The following RSPRY1 variants were observed in gnomAD, a reference collection of about 807,000 sequenced individuals.
RSPRY1 encodes the protein RING finger and SPRY domain-containing protein 1.
Under a neutral mutation model 73.1 loss-of-function variants are expected in RSPRY1, and 23 were observed. The ratio of observed to expected loss-of-function variants is 0.31; its 90% CI spans 0.23 to 0.45. RSPRY1 has a LOEUF of 0.45. Ranked by LOEUF, RSPRY1 falls within the 20% of genes least tolerant of loss-of-function variation. The pLI is 1.00. For synonymous variants in RSPRY1, 226 were observed against 251.4 expected (o/e 0.90, Z 0.95); for missense variants, 448 against 698.7 (o/e 0.64, Z 4.05).
chr16:57,200,319 A>G (rs1331484483), intron 1 of RSPRY1, among the ~76,000 whole-genome samples: 8 of 151,656 alleles, frequency 5.3e-5, no homozygotes, highest in Admixed American at 3.9e-4. Flanking sequence ...CTACACAGAC[A>G]TGGCAACCAT....
At chr16:57,205,666 T>G (rs1241835269) in intron 2 of RSPRY1, among the ~76,000 whole-genome samples, 2 of 152,210 alleles carry the variant, frequency 1.3e-5, no homozygotes, top group Non-Finnish European at 2.9e-5. Context: ...GTTGTATATT[T>G]CAGTAGTTAA....
chr16:57,203,729 G>A (rs1482804231), intron 1 of RSPRY1, among the ~76,000 whole-genome samples: 1 of 152,172 alleles, frequency 6.6e-6, no homozygotes, highest in Non-Finnish European at 1.5e-5. Context: ...AGTCCAGCGT[G>A]GTACCTGGCA....
chr16:57,216,243 A>T (rs2074938702), intron 7 of RSPRY1, 70 bp downstream of exon 7: 1 of 1,144,876 alleles, frequency 8.7e-7, no homozygotes, highest in Non-Finnish European at 1.3e-6. Context: ...TTTCTTAGTT[A>T]CTGGATAAGC....
rs1318002089 is a variant in RSPRY1, at chr16:57,200,940, G to T, written c.-155-3564G>T. ...GCGCCCCTCACCTCCCAGACGGGGC[G>T]GCTGGCCGGGGGGGGGGGGGGCTGA... On this transcript the variant is annotated intron_variant, in intron 1 of 14. Coordinates refer to ENST00000394420, the MANE Select transcript of RSPRY1 (RefSeq NM_133368.3). Among the ~76,000 whole-genome samples the T allele has an allele frequency of 6.6e-5, 6 of 90,826 alleles. 1 individual carries two copies. The highest frequency in any genetic ancestry group is 5.8e-4 in the Admixed American group (6 of 10,394). 59.6% of individuals were successfully genotyped at this position (90,826 alleles called of 152,430 possible).
chr16:57,238,732 T>G (rs1457870453), intron 14 of RSPRY1, 147 bp from the exon 15 acceptor site: 2 of 519,608 alleles, frequency 3.8e-6, no homozygotes, highest in Admixed American at 7.4e-5. Flanking sequence ...TTACTTTTTA[T>G]TTACATATTC....
chr16:57,206,018 A>T (rs1169524344), intron 2 of RSPRY1, among the ~76,000 whole-genome samples: 1 of 152,252 alleles, frequency 6.6e-6, no homozygotes, highest in Non-Finnish European at 1.5e-5. Flanking sequence ...AATTAAGCAT[A>T]AAACAGAGTG....
At chr16:57,193,513 G>T (rs1285817794) in intron 1 of RSPRY1, among the ~76,000 whole-genome samples, 3 of 147,966 alleles carry the variant, frequency 2.0e-5, no homozygotes, top group Non-Finnish European at 4.5e-5. Context: ...TTTCTTTGGA[G>T]ACAGAGTCTT....
intron 5 of RSPRY1, 97 bp from the exon 6 acceptor site, chr16:57,213,791 T>C (rs551619118): frequency 2.2e-6 from 2 of 890,132 alleles, no homozygotes; most frequent in African/African-American, 3.3e-5. Flanking sequence ...TAAGATAATG[T>C]GCATGAAAGA....
chr16:57,239,823 A>T lies in RSPRY1; in HGVS notation c.*848A>T, dbSNP rs1015268948. Reference sequence around the variant, plus strand: ...AGATTTCTGTTTTTTTGTTAAAAAAAATTTTTTTAATCAGTATTGTTTTTA... The same window carrying T: ...AGATTTCTGTTTTTTTGTTAAAAAATATTTTTTTAATCAGTATTGTTTTTA... On this transcript the variant is annotated 3_prime_UTR_variant, in exon 15 of 15. Coordinates refer to ENST00000394420, the MANE Select transcript of RSPRY1 (RefSeq NM_133368.3). 3.0e-4 allele frequency: 45 copies of T among 152,166 alleles called. No individual in the cohort carries two copies. The highest frequency in any genetic ancestry group is 1.1e-3 in the African/African-American group (45 of 41,462). 9.4% of individuals were successfully genotyped at this position (152,166 alleles called of 1,614,324 possible).
At chr16:57,231,525 C>G (rs1480936635) in intron 13 of RSPRY1, among the ~76,000 whole-genome samples, 1 of 152,134 alleles carries the variant, frequency 6.6e-6, no homozygotes, top group Non-Finnish European at 1.5e-5. Flanking sequence ...CTAGAAAGCA[C>G]CAGACCCAGG....
chr16:57,204,556 C>A lies in RSPRY1; in HGVS notation c.-103C>A. The stretch of plus-strand genomic sequence containing the variant: ...TGTAGTTGATAATGTTGGGAATAAG[C>A]TCTGCAACTTTCTTTGGCATTCAGT... On this transcript the variant is annotated 5_prime_UTR_variant, in exon 2 of 15. Coordinates refer to ENST00000394420, the MANE Select transcript of RSPRY1 (RefSeq NM_133368.3). The A allele has an allele frequency of 1.0e-6, 1 of 991,816 alleles. No individual in the cohort carries two copies. Among genetic ancestry groups the A allele is most frequent in the Non-Finnish European group, 1.5e-6 (1 of 653,792 alleles). 61.4% of individuals were successfully genotyped at this position (991,816 alleles called of 1,614,324 possible).
intron 1 of RSPRY1, among the ~76,000 whole-genome samples, chr16:57,196,404 G>A (rs1487784400): frequency 6.6e-6 from 1 of 152,172 alleles, no homozygotes; most frequent in Non-Finnish European, 1.5e-5. Flanking sequence ...TTCAGTCGGT[G>A]TGTCCTTCCT....
At chr16:57,218,108 A>G (rs1407761344) in intron 8 of RSPRY1, among the ~76,000 whole-genome samples, 1 of 152,008 alleles carries the variant, frequency 6.6e-6, no homozygotes, top group Non-Finnish European at 1.5e-5. Flanking sequence ...GCACTAACTT[A>G]TTTGTTTGTT....
At chr16:57,186,166 A>T (rs2074162482), upstream of RSPRY1, 2 of 985,532 alleles carry the variant, frequency 2.0e-6, no homozygotes, top group African/African-American at 1.7e-5. Flanking sequence ...ACGCCTCAGG[A>T]TGAGGACTGG....
chr16:57,216,233 T>C, intron 7 of RSPRY1, 60 bp downstream of exon 7: 1 of 1,278,040 alleles, frequency 7.8e-7, no homozygotes, highest in South Asian at 1.2e-5. Context: ...AAATTTTATT[T>C]TTCTTAGTTA....
chr16:57,197,129 C>A (rs2074462740), intron 1 of RSPRY1, among the ~76,000 whole-genome samples: 1 of 151,988 alleles, frequency 6.6e-6, no homozygotes, highest in Non-Finnish European at 1.5e-5. Context: ...CCACGTAAAG[C>A]TTTTTTTGAA....
chr16:57,231,097 C>A, intron 12 of RSPRY1, 70 bp from the exon 13 acceptor site: 1 of 1,449,740 alleles, frequency 6.9e-7, no homozygotes. Flanking sequence ...TTTCTGAAAA[C>A]TGTTCTATCT....
intron 1 of RSPRY1, among the ~76,000 whole-genome samples, chr16:57,201,590 G>T (rs976617088): frequency 3.3e-5 from 5 of 152,374 alleles, no homozygotes; most frequent in Admixed American, 2.6e-4. Context: ...TCGGCACTTT[G>T]GGGGGCCAAG....
chr16:57,203,845 T>C (rs191106175), intron 1 of RSPRY1, among the ~76,000 whole-genome samples: 36 of 152,368 alleles, frequency 2.4e-4, no homozygotes, highest in African/African-American at 7.9e-4. Context: ...AATACAACTT[T>C]TGTGATATCA....
Sources: gnomAD v4.1 joint callset for allele counts (sites outside exome capture counted in the v4.1 genomes callset) on GRCh38, gnomAD v4.1.1 for gene constraint, MANE v1.5 for transcripts, NCBI Gene and HGNC (gene_info 2026-07-23, HGNC 2026-07-21) for gene names.